The following FOCAD variants were observed in gnomAD, a reference collection of about 807,000 sequenced individuals.
The protein encoded by FOCAD is focadhesin.
In FOCAD, 198 loss-of-function variants were observed where a neutral mutation model predicts 225.6. The observed-to-expected ratio is 0.88, with a 90% CI of 0.78 to 0.99. The LOEUF is 0.99. FOCAD is among the 50% of genes least tolerant of loss of function. FOCAD has a pLI of 0.00. For synonymous variants in FOCAD, 897 were observed against 755.0 expected, an observed-to-expected ratio of 1.19 and a Z score of -3.08; for missense variants, 2,713 against 2,123.6, an observed-to-expected ratio of 1.28 and a Z score of -5.46.
intron 11 of FOCAD, among the ~76,000 whole-genome samples, chr9:20,816,705 A>G (rs115214264): frequency 1.4e-4 from 22 of 152,248 alleles, no homozygotes; most frequent in African/African-American, 5.3e-4. Context: ...ACAGATAGAG[A>G]AAATGAACAA....
At chr9:20,720,648 C>T (rs1825705198) in intron 4 of FOCAD, 114 bp downstream of exon 4, 2 of 1,022,942 alleles carry the variant, frequency 2.0e-6, no homozygotes, top group Non-Finnish European at 2.9e-6. Flanking sequence ...TTTTCTTGCT[C>T]TTAAAATGTC....
intron 13 of FOCAD, 40 bp downstream of exon 13, chr9:20,820,465 T>A: frequency 6.6e-7 from 1 of 1,522,808 alleles, no homozygotes; most frequent in Non-Finnish European, 9.1e-7. Flanking sequence ...TTAAATATGT[T>A]CCTTTCACTG....
At chr9:20,778,428 G>A (rs1444035272) in intron 8 of FOCAD, among the ~76,000 whole-genome samples, 1 of 152,082 alleles carries the variant, frequency 6.6e-6, no homozygotes, top group African/African-American at 2.4e-5. Context: ...CACCAAGTTG[G>A]CTGGGCTGGT....
chr9:20,953,238 A>G (rs944222634), intron 35 of FOCAD, among the ~76,000 whole-genome samples, 173 bp downstream of exon 35: 1 of 152,222 alleles, frequency 6.6e-6, no homozygotes, highest in Admixed American at 6.5e-5. Flanking sequence ...AGCTACAATA[A>G]TTGGTACGTA....
rs1837439413 is a variant in FOCAD at position 20,948,921 on chromosome 9, T to A, written c.3869T>A (p.Val1290Glu). The change falls in exon 32 of 44, where the codon GTA (valine) becomes GAA (glutamate). Residue 1290 changes from valine (V) to glutamate (E), a missense_variant. Transcript: ENST00000338382. The stretch of plus-strand genomic sequence containing the variant: ...GCCTTGGTAGGCTCTGAAGGGGATG[T>A]AATGCAGGTAAAGAAAGGAACCATG... ...MVALVGSEGD[V>E]MQLKSEAIQT... 1 of 1,613,386 alleles carries A rather than the reference T, an allele frequency of 6.2e-7. No individual in the cohort carries two copies. The highest frequency in any genetic ancestry group is 1.3e-5 in the African/African-American group (1 of 75,002).
chr9:20,705,379 A>G (rs1229761238), intron 1 of FOCAD, among the ~76,000 whole-genome samples: 1 of 152,188 alleles, frequency 6.6e-6, no homozygotes, highest in Non-Finnish European at 1.5e-5. Flanking sequence ...TTTGTACCAT[A>G]TTAATATCTG....
intron 35 of FOCAD, among the ~76,000 whole-genome samples, chr9:20,964,535 G>A (rs982768727): frequency 2.6e-5 from 4 of 152,032 alleles, no homozygotes; most frequent in African/African-American, 9.7e-5. Context: ...GGTGTGTTGA[G>A]CATCAACATT....
chr9:20,994,123 A>G (rs1172273245), intron 43 of FOCAD, among the ~76,000 whole-genome samples: 3 of 152,192 alleles, frequency 2.0e-5, no homozygotes, highest in African/African-American at 4.8e-5. Context: ...CACTGGCTTT[A>G]TAAGTAGTGT....
At chr9:20,879,356 G>A (rs1386676180) in intron 19 of FOCAD, among the ~76,000 whole-genome samples, 1 of 152,182 alleles carries the variant, frequency 6.6e-6, no homozygotes, top group East Asian at 1.9e-4. Flanking sequence ...TGATTTTGGG[G>A]ATTTTAGATG....
At chr9:20,830,398 T>C (rs1317623291) in intron 15 of FOCAD, among the ~76,000 whole-genome samples, 2 of 152,102 alleles carry the variant, frequency 1.3e-5, no homozygotes, top group African/African-American at 4.8e-5. Context: ...TTTCCAAAGA[T>C]GTTAGGTTTT....
intron 21 of FOCAD, 150 bp downstream of exon 21, chr9:20,885,380 T>A (rs1203814338): frequency 1.6e-6 from 1 of 618,536 alleles, no homozygotes. Context: ...AACTGAATAC[T>A]CAAATATTTC....
intron 5 of FOCAD, among the ~76,000 whole-genome samples, chr9:20,752,675 G>GT (rs1157900068): frequency 8.5e-5 from 13 of 152,106 alleles, no homozygotes; most frequent in Admixed American, 1.3e-4. Flanking sequence ...CTTTAAAGTA[G>GT]TTTTTTCCAA....
intron 28 of FOCAD, among the ~76,000 whole-genome samples, chr9:20,936,087 A>G (rs1223412165): frequency 6.6e-6 from 1 of 152,178 alleles, no homozygotes; most frequent in Non-Finnish European, 1.5e-5. Flanking sequence ...AAATACTGAC[A>G]TTTTTGAGGG....
At chr9:20,736,208 A>C (rs1827144435) in intron 4 of FOCAD, among the ~76,000 whole-genome samples, 1 of 150,564 alleles carries the variant, frequency 6.6e-6, no homozygotes, top group South Asian at 2.1e-4. Context: ...GTTTTATAAA[A>C]TTTAAGAGGT....
At chr9:20,752,582 T>A (rs1587017595) in intron 5 of FOCAD, among the ~76,000 whole-genome samples, 4 of 152,296 alleles carry the variant, frequency 2.6e-5, no homozygotes, top group African/African-American at 9.6e-5. Context: ...TAGTTTGAAG[T>A]CAGGTGGTGT....
intron 10 of FOCAD, among the ~76,000 whole-genome samples, chr9:20,785,192 T>C (rs920378334): frequency 6.6e-6 from 1 of 152,204 alleles, no homozygotes; most frequent in African/African-American, 2.4e-5. Flanking sequence ...GTAAATAACT[T>C]ACTGTCATGC....
chr9:20,661,501 C>T (rs1167249679), intron 2 of FOCAD, among the ~76,000 whole-genome samples: 1 of 152,140 alleles, frequency 6.6e-6, no homozygotes, highest in African/African-American at 2.4e-5. Flanking sequence ...GGCAGTTGTT[C>T]ACTTGATGGG....
chr9:20,940,131 C>A (rs7041086), intron 28 of FOCAD, among the ~76,000 whole-genome samples: 38,939 of 151,938 alleles, frequency 0.26, 5,226 homozygotes, highest in South Asian at 0.34. Flanking sequence ...AGTTAGTGGA[C>A]ACTTGCCTGT....
intron 1 of FOCAD, among the ~76,000 whole-genome samples, chr9:20,687,958 G>C (rs1822761791): frequency 6.6e-6 from 1 of 152,188 alleles, no homozygotes; most frequent in Non-Finnish European, 1.5e-5. Context: ...GTAGGAATTA[G>C]TTGGTGAGGT....
Sources: gnomAD v4.1 joint callset for allele counts (sites outside exome capture counted in the v4.1 genomes callset) on GRCh38, gnomAD v4.1.1 for gene constraint, MANE v1.5 for transcripts, NCBI Gene and HGNC (gene_info 2026-07-23, HGNC 2026-07-21) for gene names.